The following HS6ST2 variants were observed in gnomAD, a reference collection of about 807,000 sequenced individuals.
The protein encoded by HS6ST2 is heparan sulfate 6-O-sulfotransferase 2, also known as heparan-sulfate 6-O-sulfotransferase 2.
In HS6ST2, 17 loss-of-function variants were observed where a neutral mutation model predicts 33.0. That is an observed-to-expected ratio of 0.52 (90% CI 0.35 to 0.77). HS6ST2 has a LOEUF of 0.77. Among genes scored for constraint, HS6ST2 ranks in the 30% least tolerant of loss-of-function variants. HS6ST2 has a pLI of 0.01. For synonymous variants in HS6ST2, 248 were observed against 237.1 expected (o/e 1.05, Z -0.42); for missense variants, 519 against 551.7 (o/e 0.94, Z 0.59).
chrX:132,919,656 T>C (rs2066630408), intron 2 of HS6ST2, among the ~76,000 whole-genome samples: 1 of 112,019 alleles, frequency 8.9e-6, no homozygotes, highest in Non-Finnish European at 1.9e-5. Context: ...TCAAGTCAAA[T>C]GCACTTCATT....
chrX:132,929,788 T>C (rs774479098), intron 2 of HS6ST2, among the ~76,000 whole-genome samples: 1 of 111,579 alleles, frequency 9.0e-6, no homozygotes, highest in South Asian at 3.8e-4. Context: ...ACCTCCTCTC[T>C]GGAAAACTGA....
At chrX:132,767,119 G>T (rs2064855977) in intron 2 of HS6ST2, among the ~76,000 whole-genome samples, 1 of 112,523 alleles carries the variant, frequency 8.9e-6, no homozygotes, top group South Asian at 3.7e-4. Context: ...CTCCCTCAAA[G>T]AGAGGTTCAA....
intron 2 of HS6ST2, among the ~76,000 whole-genome samples, chrX:132,903,218 C>G (rs1400018451): frequency 9.0e-6 from 1 of 111,384 alleles, no homozygotes; most frequent in South Asian, 3.7e-4. Flanking sequence ...AAATTAAATA[C>G]TTAGGAATAA....
chrX:132,946,804 A>G (rs1382025289), intron 2 of HS6ST2, among the ~76,000 whole-genome samples: 4 of 111,960 alleles, frequency 3.6e-5, no homozygotes, highest in Non-Finnish European at 7.5e-5. Flanking sequence ...GTGAGAATTA[A>G]ATGAGAAAAT....
chrX:132,826,698 A>G (rs1406826648), intron 2 of HS6ST2, among the ~76,000 whole-genome samples: 17 of 110,511 alleles, frequency 1.5e-4, no homozygotes, highest in Non-Finnish European at 3.8e-5. Context: ...TAAAAATATA[A>G]AGCATGTGAA....
chrX:132,700,907 T>G (rs2064139513), intron 3 of HS6ST2, among the ~76,000 whole-genome samples: 1 of 111,495 alleles, frequency 9.0e-6, no homozygotes, highest in African/African-American at 3.3e-5. Flanking sequence ...GATCCTGTAC[T>G]ATCTGTCAGC....
Position 132,806,964 on chromosome X carries a change from G to A in HS6ST2, c.948-98470C>T, listed in dbSNP as rs1011796195. ...GTTTAGTCTTCAACCTATGTGATTGGGACTATTGTGCCCATTTTACAAATG... is the reference window on the plus strand; with the variant it reads ...GTTTAGTCTTCAACCTATGTGATTGAGACTATTGTGCCCATTTTACAAATG... On this transcript the variant is annotated intron_variant, in intron 2 of 4. Transcript: ENST00000370833. Among the ~76,000 whole-genome samples, 4 of 110,018 alleles carry A rather than the reference G, an allele frequency of 3.6e-5. No individual in the cohort carries two copies. The East Asian group carries it at 1.1e-3, about 31-fold the overall frequency.
At chrX:132,869,796 C>T (rs1199158745) in intron 2 of HS6ST2, among the ~76,000 whole-genome samples, 1 of 111,495 alleles carries the variant, frequency 9.0e-6, no homozygotes, top group Non-Finnish European at 1.9e-5. Context: ...TAGTACAAAC[C>T]CACAGCCAAT....
chrX:132,641,352 C>T (rs1433019138), intron 4 of HS6ST2, among the ~76,000 whole-genome samples: 1 of 112,097 alleles, frequency 8.9e-6, no homozygotes, highest in African/African-American at 3.2e-5. Flanking sequence ...CCATGTTGGC[C>T]AGGCTGGTCT....
At chrX:132,769,584 T>C (rs1397514998) in intron 2 of HS6ST2, among the ~76,000 whole-genome samples, 2 of 112,358 alleles carry the variant, frequency 1.8e-5, no homozygotes, top group Non-Finnish European at 3.8e-5. Flanking sequence ...GCTTGTTTAA[T>C]TTCAGACTAC....
chrX:132,934,471 A>G (rs1387331106), intron 2 of HS6ST2, among the ~76,000 whole-genome samples: 1 of 112,267 alleles, frequency 8.9e-6, no homozygotes, highest in African/African-American at 3.2e-5. Context: ...TAACAATAAC[A>G]GCACAAAAAG....
chrX:132,850,739 C>CACACACACAT (rs1259273507), intron 2 of HS6ST2, among the ~76,000 whole-genome samples: 1 of 110,767 alleles, frequency 9.0e-6, no homozygotes, highest in African/African-American at 3.3e-5. Context: ...TCTACACACA[C>CACACACACAT]ACACACACAC....
At chrX:132,936,134 G>A (rs1353542121) in intron 2 of HS6ST2, among the ~76,000 whole-genome samples, 2 of 110,234 alleles carry the variant, frequency 1.8e-5, no homozygotes, top group Non-Finnish European at 3.8e-5. Context: ...TTAAAATCAG[G>A]AATGAAAGAG....
At chrX:132,883,098 T>G (rs1434357606) in intron 2 of HS6ST2, among the ~76,000 whole-genome samples, 1 of 110,514 alleles carries the variant, frequency 9.0e-6, no homozygotes, top group Non-Finnish European at 1.9e-5. Context: ...TTTTTTTTTG[T>G]TGTGTCTCTG....
chrX:132,841,387 A>C (rs369259595), intron 2 of HS6ST2, among the ~76,000 whole-genome samples: 3 of 111,573 alleles, frequency 2.7e-5, no homozygotes, highest in African/African-American at 6.5e-5. Flanking sequence ...CATCTTGTGA[A>C]TCTCCCTACT....
intron 2 of HS6ST2, among the ~76,000 whole-genome samples, chrX:132,841,873 A>T (rs2065709512): frequency 8.9e-6 from 1 of 112,070 alleles, no homozygotes; most frequent in South Asian, 3.7e-4. Flanking sequence ...GAAATAGGTT[A>T]GTGAAACTGA....
chrX:132,822,691 G>C (rs945293443), intron 2 of HS6ST2, among the ~76,000 whole-genome samples: 1 of 111,930 alleles, frequency 8.9e-6, no homozygotes, highest in Admixed American at 9.5e-5. Context: ...TATTTAGCAG[G>C]GTTGTTATTT....
At chrX:132,814,288 G>C (rs57116114) in intron 2 of HS6ST2, among the ~76,000 whole-genome samples, 1 of 111,730 alleles carries the variant, frequency 9.0e-6, no homozygotes, top group African/African-American at 3.3e-5. Context: ...GTCCAAGCTG[G>C]TACAGAAGTT....
At chrX:132,772,121 A>G (rs2064906894) in intron 2 of HS6ST2, among the ~76,000 whole-genome samples, 2 of 111,966 alleles carry the variant, frequency 1.8e-5, no homozygotes, top group Admixed American at 1.9e-4. Context: ...CTGGTCATGG[A>G]CTGAAATCAA....
Sources: gnomAD v4.1 joint callset for allele counts (sites outside exome capture counted in the v4.1 genomes callset) on GRCh38, gnomAD v4.1.1 for gene constraint, MANE v1.5 for transcripts, NCBI Gene and HGNC (gene_info 2026-07-23, HGNC 2026-07-21) for gene names.